CNTN1: variants seen among roughly 807,000 people sequenced by gnomAD.
The protein encoded by CNTN1 is contactin 1.
CNTN1 carries 38 observed loss-of-function variants against 126.4 expected under a neutral mutation model. The ratio of observed to expected loss-of-function variants is 0.30; its 90% CI spans 0.23 to 0.39. The LOEUF (loss-of-function observed/expected upper bound fraction) is 0.39. CNTN1 is among the 10% of genes least tolerant of loss of function. CNTN1 has a pLI of 1.00. For missense variants in CNTN1, 1,009 were observed against 1,248.4 expected (o/e 0.81, Z 2.89); for synonymous variants, 413 against 422.6 (o/e 0.98, Z 0.28).
At chr12:40,873,113 T>C (rs1256785844) in intron 1 of CNTN1, among the ~76,000 whole-genome samples, 2 of 152,102 alleles carry the variant, frequency 1.3e-5, no homozygotes, top group African/African-American at 4.8e-5. Flanking sequence ...CACAATCATG[T>C]GACTAAATTC....
intron 1 of CNTN1, among the ~76,000 whole-genome samples, chr12:40,775,508 A>G (rs973155144): frequency 6.6e-6 from 1 of 151,440 alleles, no homozygotes; most frequent in East Asian, 1.9e-4. Context: ...CTGATATCCT[A>G]GTAGGGAATA....
intron 1 of CNTN1, among the ~76,000 whole-genome samples, chr12:40,893,604 A>G (rs549120381): frequency 1.2e-4 from 19 of 152,264 alleles, no homozygotes; most frequent in Non-Finnish European, 2.8e-4. Context: ...AACAGCTCCC[A>G]ATAGATACAG....
chr12:40,857,017 AT>A (rs770631646), intron 1 of CNTN1, among the ~76,000 whole-genome samples: 30 of 152,130 alleles, frequency 2.0e-4, no homozygotes, highest in Non-Finnish European at 3.5e-4. Flanking sequence ...ATTTGAAACT[AT>A]TGACATACAT....
chr12:41,049,894 A>T lies in CNTN1; in HGVS notation c.2981-20065A>T, dbSNP rs76979726. Among the ~76,000 whole-genome samples, 465 of 152,230 alleles carry T rather than the reference A, an allele frequency of 3.1e-3. 2 individuals carry two copies. Among genetic ancestry groups the T allele is most frequent in the African/African-American group, 0.011 (455 of 41,538 alleles). The stretch of plus-strand genomic sequence containing the variant: ...GCAAAATTTGATTTAACTAATTAAG[A>T]TGTCTGTAATTTTTTTGTTTTGAGA... On this transcript the variant is annotated intron_variant, in intron 23 of 23. Transcript: ENST00000551295.
intron 14 of CNTN1, among the ~76,000 whole-genome samples, chr12:40,950,920 T>C (rs1421784999): frequency 6.7e-6 from 1 of 150,218 alleles, no homozygotes; most frequent in Non-Finnish European, 1.5e-5. Flanking sequence ...GAATTAAGCA[T>C]ATATATATAT....
intron 1 of CNTN1, among the ~76,000 whole-genome samples, chr12:40,876,153 A>AG (rs1368059386): frequency 6.6e-6 from 1 of 151,388 alleles, no homozygotes; most frequent in African/African-American, 2.4e-5. Flanking sequence ...AAAAAAAAAA[A>AG]CCCAGAAAAC....
At chr12:40,831,574 A>T (rs1330196315) in intron 1 of CNTN1, among the ~76,000 whole-genome samples, 1 of 152,134 alleles carries the variant, frequency 6.6e-6, no homozygotes, top group Non-Finnish European at 1.5e-5. Context: ...AACATATGAA[A>T]CATCTTTCTT....
At position 40,947,772 on chromosome 12, in the gene CNTN1, TATATATATATACAC is replaced by T. The variant is rs1288227302; in HGVS notation, c.1683+3604_1683+3617del. Among the ~76,000 whole-genome samples, 56 of 72,192 alleles carry T rather than the reference TATATATATATACAC, an allele frequency of 7.8e-4. 1 individual carries two copies. Among genetic ancestry groups the T allele is most frequent in the African/African-American group, 3.5e-3 (51 of 14,772 alleles). The allele number at this position is 72,192 out of a possible 152,430, so 47.4% of individuals were successfully genotyped here. On this transcript the variant is annotated intron_variant, in intron 14 of 23. Coordinates refer to ENST00000551295, the MANE Select transcript of CNTN1 (RefSeq NM_001843.4). ...GGAGATTGTCACTATTTCATATATATATATATATATACACACACACACACACACACACACACACA... is the reference window on the plus strand; with the variant it reads ...GGAGATTGTCACTATTTCATATATATACACACACACACACACACACACACA...
At chr12:40,725,431 A>AC (rs1400760710) in intron 1 of CNTN1, among the ~76,000 whole-genome samples, 1 of 150,810 alleles carries the variant, frequency 6.6e-6, no homozygotes, top group Non-Finnish European at 1.5e-5. Context: ...AAAGGAAAGA[A>AC]AAAAAAAGAA....
chr12:40,746,233 A>G (rs946118283), intron 1 of CNTN1, among the ~76,000 whole-genome samples: 1 of 152,266 alleles, frequency 6.6e-6, no homozygotes, highest in Non-Finnish European at 1.5e-5. Flanking sequence ...CTTAACTGTT[A>G]AAACATTTTA....
intron 1 of CNTN1, among the ~76,000 whole-genome samples, chr12:40,781,713 C>A (rs10082977): frequency 0.76 from 115,079 of 151,846 alleles, 44,414 homozygotes; most frequent in South Asian, 0.86. Context: ...GCAACATGAT[C>A]AAGTGAATAT....
chr12:40,943,759 G>C (rs1235690552), intron 13 of CNTN1, 35 bp downstream of exon 13: 1 of 1,607,964 alleles, frequency 6.2e-7, no homozygotes, highest in Non-Finnish European at 8.5e-7. Flanking sequence ...AATTTCTAAT[G>C]TATTAAAAAA....
chr12:40,937,013 G>T, intron 10 of CNTN1, 108 bp downstream of exon 10: 1 of 1,381,164 alleles, frequency 7.2e-7, no homozygotes, highest in Non-Finnish European at 1.0e-6. Flanking sequence ...AGGGCACTTG[G>T]GCCCTGAAAT....
chr12:40,974,085 T>G (rs549412280), intron 15 of CNTN1, among the ~76,000 whole-genome samples: 1 of 152,314 alleles, frequency 6.6e-6, no homozygotes, highest in East Asian at 1.9e-4. Context: ...ATTAACTATA[T>G]TTCTCCTCAT....
chr12:40,696,346 T>C (rs140892645), intron 1 of CNTN1, among the ~76,000 whole-genome samples: 44 of 152,332 alleles, frequency 2.9e-4, no homozygotes, highest in African/African-American at 1.0e-3. Context: ...TAGTCAGTAA[T>C]TGATTCATTT....
chr12:40,701,494 G>T (rs1373631860), intron 1 of CNTN1, among the ~76,000 whole-genome samples: 2 of 151,976 alleles, frequency 1.3e-5, no homozygotes, highest in Non-Finnish European at 2.9e-5. Flanking sequence ...TAACAGACAA[G>T]ATGAATATTA....
At chr12:40,795,502 G>A (rs1256047420) in intron 1 of CNTN1, among the ~76,000 whole-genome samples, 4 of 150,290 alleles carry the variant, frequency 2.7e-5, no homozygotes, top group Non-Finnish European at 5.9e-5. Context: ...ATTCAAAATA[G>A]ATGTATTTAG....
intron 1 of CNTN1, among the ~76,000 whole-genome samples, chr12:40,872,210 GTT>G (rs61338986): frequency 0.094 from 5,876 of 62,804 alleles, 151 homozygotes; most frequent in African/African-American, 0.17. Context: ...CCGTTGCTTT[GTT>G]TGTGTGTGTG....
In CNTN1 at chr12:40,737,022, G is replaced by A. The variant is rs895975237; in HGVS notation, c.-77+44430G>A. On this transcript the variant is annotated intron_variant, in intron 1 of 23. Transcript: ENST00000551295. ...TTTTTCTAGGAAAATAGAAATGAGT[G>A]AAACTGATCCTTGAGAACACAGACC... Among the ~76,000 whole-genome samples, 5 of 151,962 alleles carry A rather than the reference G, an allele frequency of 3.3e-5. No homozygotes were observed. The South Asian group carries it at 6.2e-4, about 19-fold the overall frequency.
Sources: allele counts gnomAD v4.1 joint callset (sites outside exome capture counted in the v4.1 genomes callset), GRCh38; gene constraint gnomAD v4.1.1; transcripts MANE v1.5; gene names NCBI Gene and HGNC (gene_info 2026-07-23, HGNC 2026-07-21).